PTPRG: variants seen among roughly 807,000 people sequenced by gnomAD.
PTPRG encodes protein tyrosine phosphatase receptor type G.
Under a neutral mutation model 165.3 loss-of-function variants are expected in PTPRG, and 102 were observed. That is an observed-to-expected ratio of 0.62 (90% confidence interval 0.53 to 0.73). The LOEUF is 0.73. PTPRG is among the 30% of genes least tolerant of loss of function. The pLI is 0.00. For missense variants in PTPRG, 1,866 were observed against 1,861.4 expected (o/e 1.00, Z -0.05); for synonymous variants, 675 against 669.5 (o/e 1.01, Z -0.13).
intron 2 of PTPRG, among the ~76,000 whole-genome samples, chr3:61,877,189 T>C (rs2037764942): frequency 6.6e-6 from 1 of 152,226 alleles, no homozygotes. Context: ...AAAAATTATA[T>C]TTTAAAGTCC....
chr3:61,772,138 A>G (rs2034229813), intron 2 of PTPRG, among the ~76,000 whole-genome samples: 1 of 151,364 alleles, frequency 6.6e-6, no homozygotes, highest in Non-Finnish European at 1.5e-5. Flanking sequence ...CTTCTTTGCC[A>G]ATTCCCATCG....
chr3:61,805,781 C>G (rs2035396090), intron 2 of PTPRG, among the ~76,000 whole-genome samples: 1 of 152,152 alleles, frequency 6.6e-6, no homozygotes, highest in Non-Finnish European at 1.5e-5. Flanking sequence ...GGAGATTTCC[C>G]TTTAGTCATT....
rs1699932195 is a variant in PTPRG at position 62,195,288 on chromosome 3, G to C, written c.1327+118G>C. 1 of 936,922 alleles carries C rather than the reference G, an allele frequency of 1.1e-6. No homozygotes were observed. The highest frequency in any genetic ancestry group is 2.5e-5 in the East Asian group (1 of 39,368). 58.0% of individuals were successfully genotyped at this position (936,922 alleles called of 1,614,324 possible). A position where few individuals can be genotyped will look rare whatever the true frequency, so the allele number is the denominator to read the frequency against. The stretch of plus-strand genomic sequence containing the variant: ...ACAAACAAGCCTGGCAGAAGAATCA[G>C]TGTAGGGTTTTAAAGCCTATGCGGG... On this transcript the variant is annotated intron_variant, in intron 10 of 29. Coordinates refer to ENST00000474889, the MANE Select transcript of PTPRG (RefSeq NM_002841.4). This position sits in a 1 kb window ranked among gnomAD's most constrained non-coding sequence, Gnocchi z 4.4.
intron 5 of PTPRG, among the ~76,000 whole-genome samples, chr3:62,102,664 T>G (rs1576005538): frequency 6.6e-6 from 1 of 152,190 alleles, no homozygotes; most frequent in Non-Finnish European, 1.5e-5. Context: ...ATCTGTTTTT[T>G]TTTCTCCTCT....
At chr3:62,098,580 G>A (rs769655382) in intron 5 of PTPRG, among the ~76,000 whole-genome samples, 3 of 152,070 alleles carry the variant, frequency 2.0e-5, no homozygotes, top group African/African-American at 4.8e-5. Context: ...ACAGAGTTGG[G>A]GGAAAAGATC....
chr3:61,892,238 T>G (rs1435139522), intron 2 of PTPRG, among the ~76,000 whole-genome samples: 3 of 152,198 alleles, frequency 2.0e-5, no homozygotes, highest in African/African-American at 7.2e-5. Context: ...TTTTTGTTTC[T>G]TCTTTTGAGA....
chr3:61,698,089 A>T (rs997632708), intron 1 of PTPRG, among the ~76,000 whole-genome samples: 1 of 152,166 alleles, frequency 6.6e-6, no homozygotes, highest in African/African-American at 2.4e-5. Flanking sequence ...TAGAGTCTTC[A>T]TTTCCAAATG....
intron 1 of PTPRG, among the ~76,000 whole-genome samples, chr3:61,716,686 C>A (rs948764198): frequency 6.6e-6 from 1 of 152,160 alleles, no homozygotes; most frequent in African/African-American, 2.4e-5. Context: ...TAAATAAAAA[C>A]TCCCAGCTGG....
chr3:61,881,483 G>A (rs1176843387), intron 2 of PTPRG, among the ~76,000 whole-genome samples: 2 of 152,110 alleles, frequency 1.3e-5, no homozygotes, highest in African/African-American at 4.8e-5. Context: ...ATGATGTGCT[G>A]GACGCTGTTT....
At chr3:61,806,344 A>G (rs2035416558) in intron 2 of PTPRG, among the ~76,000 whole-genome samples, 1 of 152,182 alleles carries the variant, frequency 6.6e-6, no homozygotes. Flanking sequence ...TCTGTTACAC[A>G]AGTGCATGTA....
At chr3:61,786,389 G>T (rs919683580) in intron 2 of PTPRG, among the ~76,000 whole-genome samples, 3 of 152,156 alleles carry the variant, frequency 2.0e-5, no homozygotes, top group African/African-American at 7.2e-5. Context: ...ACTTAGTACT[G>T]TATTTGGCCG....
intron 2 of PTPRG, among the ~76,000 whole-genome samples, chr3:61,760,944 G>C (rs2033814606): frequency 6.6e-6 from 1 of 152,220 alleles, no homozygotes; most frequent in South Asian, 2.1e-4. Context: ...TCATTCCTTT[G>C]TATGGCTGCA....
At chr3:62,096,326 G>A (rs574505420) in intron 5 of PTPRG, among the ~76,000 whole-genome samples, 30 of 152,260 alleles carry the variant, frequency 2.0e-4, no homozygotes, top group South Asian at 8.3e-4. Flanking sequence ...TAGAAATGCT[G>A]CTCACTATCA....
intron 1 of PTPRG, among the ~76,000 whole-genome samples, chr3:61,596,467 A>AT (rs1700703276): frequency 1.3e-5 from 2 of 152,342 alleles, no homozygotes; most frequent in South Asian, 4.1e-4. Flanking sequence ...GAAGCACAGT[A>AT]TATGAAACAC....
intron 2 of PTPRG, among the ~76,000 whole-genome samples, chr3:61,814,310 T>C (rs1330772440): frequency 6.6e-6 from 1 of 152,226 alleles, no homozygotes; most frequent in Non-Finnish European, 1.5e-5. Flanking sequence ...ACCCTCTCGC[T>C]CTTTCACCAT....
At chr3:61,704,618 G>C (rs1361793175) in intron 1 of PTPRG, among the ~76,000 whole-genome samples, 1 of 141,208 alleles carries the variant, frequency 7.1e-6, no homozygotes, top group Non-Finnish European at 1.5e-5. Flanking sequence ...CTAGTCTTAT[G>C]TTAAATTCTC....
At chr3:61,981,162 T>G (rs1471296000) in intron 2 of PTPRG, among the ~76,000 whole-genome samples, 1 of 150,626 alleles carries the variant, frequency 6.6e-6, no homozygotes, top group Non-Finnish European at 1.5e-5. Context: ...GGGAGACCCC[T>G]TATAAAACCG....
At chr3:61,625,641 T>A (rs1199413130) in intron 1 of PTPRG, among the ~76,000 whole-genome samples, 1 of 152,176 alleles carries the variant, frequency 6.6e-6, no homozygotes, top group South Asian at 2.1e-4. Context: ...GTCATACACG[T>A]CATGGGATGT....
At chr3:61,874,036 G>A (rs1471251231) in intron 2 of PTPRG, among the ~76,000 whole-genome samples, 1 of 152,166 alleles carries the variant, frequency 6.6e-6, no homozygotes, top group Non-Finnish European at 1.5e-5. Flanking sequence ...TGATATGGAA[G>A]AAGGAACTGT....
Sources: allele counts gnomAD v4.1 joint callset (sites outside exome capture counted in the v4.1 genomes callset), GRCh38; gene constraint gnomAD v4.1.1; non-coding constraint Gnocchi (gnomAD v3.1); transcripts MANE v1.5; gene names NCBI Gene and HGNC (gene_info 2026-07-23, HGNC 2026-07-21).